Variants in NRG3 observed in about 807,000 individuals in gnomAD.
NRG3 encodes pro-neuregulin-3, membrane-bound isoform.
Under a neutral mutation model 66.9 loss-of-function variants are expected in NRG3, and 31 were observed. That is an observed-to-expected ratio of 0.46 (90% CI 0.35 to 0.63). NRG3 has a LOEUF of 0.63. Ranked by LOEUF, NRG3 falls within the 20% of genes least tolerant of loss-of-function variation. The pLI, the probability that NRG3 is intolerant of heterozygous loss-of-function variation, is 0.00. For missense variants in NRG3, 910 were observed against 878.9 expected, an observed-to-expected ratio of 1.04 and a Z score of -0.45; for synonymous variants, 393 against 359.4, an observed-to-expected ratio of 1.09 and a Z score of -1.06.
intron 1 of NRG3, among the ~76,000 whole-genome samples, chr10:82,207,086 A>G (rs10884338): frequency 0.025 from 3,848 of 152,242 alleles, 104 homozygotes; most frequent in African/African-American, 0.069. Flanking sequence ...TGGAAAAACA[A>G]TAGTCTTTCT....
chr10:82,381,290 G>C (rs1012187733), intron 2 of NRG3, among the ~76,000 whole-genome samples: 2 of 152,076 alleles, frequency 1.3e-5, no homozygotes, highest in African/African-American at 4.8e-5. Context: ...TCTTCTTTAA[G>C]AATGGAATAT....
chr10:82,881,542 T>C (rs562638524), intron 4 of NRG3, among the ~76,000 whole-genome samples: 31 of 152,176 alleles, frequency 2.0e-4, no homozygotes, highest in Non-Finnish European at 3.4e-4. Context: ...ATAGAAGTGA[T>C]TCAATGATTC....
At chr10:82,087,668 G>A (rs2065804817) in intron 1 of NRG3, among the ~76,000 whole-genome samples, 1 of 152,090 alleles carries the variant, frequency 6.6e-6, no homozygotes, top group South Asian at 2.1e-4. Flanking sequence ...CATTACAGCT[G>A]AATTTTAAAG....
intron 2 of NRG3, among the ~76,000 whole-genome samples, chr10:82,624,247 T>G: frequency 6.6e-6 from 1 of 152,280 alleles, no homozygotes; most frequent in Middle Eastern, 3.4e-3. Flanking sequence ...TCTGTACATT[T>G]TATTAAAAAC....
intron 1 of NRG3, among the ~76,000 whole-genome samples, chr10:82,237,558 C>T (rs1208261982): frequency 6.7e-6 from 1 of 150,050 alleles, no homozygotes; most frequent in Non-Finnish European, 1.5e-5. Context: ...CATATATGCT[C>T]AGACCCAGTG....
chr10:82,879,567 G>T (rs1259755105), intron 4 of NRG3, among the ~76,000 whole-genome samples: 3 of 148,824 alleles, frequency 2.0e-5, no homozygotes, highest in Admixed American at 1.4e-4. Context: ...CCACCTCCCG[G>T]CTTCACGCCA....
chr10:82,732,069 A>T (rs1426827582), intron 2 of NRG3, among the ~76,000 whole-genome samples: 4 of 152,226 alleles, frequency 2.6e-5, no homozygotes, highest in African/African-American at 9.6e-5. Flanking sequence ...CACATTGAAT[A>T]CATATTTCAA....
intron 4 of NRG3, among the ~76,000 whole-genome samples, chr10:82,918,392 A>C (rs962328054): frequency 6.6e-6 from 1 of 152,134 alleles, no homozygotes; most frequent in African/African-American, 2.4e-5. Flanking sequence ...TTTCTGGTAA[A>C]ATGGGCAACA....
intron 2 of NRG3, among the ~76,000 whole-genome samples, chr10:82,555,608 T>C (rs1003935491): frequency 2.6e-5 from 4 of 152,150 alleles, no homozygotes; most frequent in Non-Finnish European, 4.4e-5. Context: ...TCAAAATCCA[T>C]TTCCTCAATG....
At chr10:82,845,865 A>C (rs1470072749) in intron 3 of NRG3, among the ~76,000 whole-genome samples, 1 of 152,176 alleles carries the variant, frequency 6.6e-6, no homozygotes, top group Non-Finnish European at 1.5e-5. Context: ...CCATAAATAC[A>C]TACACACATA....
chr10:82,205,275 A>C (rs1431272187), intron 1 of NRG3, among the ~76,000 whole-genome samples: 1 of 152,186 alleles, frequency 6.6e-6, no homozygotes, highest in Non-Finnish European at 1.5e-5. Flanking sequence ...CACATAGACC[A>C]GTACTACAGA....
chr10:82,292,440 C>T (rs1206233231), intron 1 of NRG3, among the ~76,000 whole-genome samples: 1 of 152,068 alleles, frequency 6.6e-6, no homozygotes, highest in East Asian at 1.9e-4. Context: ...TTTAAAAAAA[C>T]CTATCCATGC....
At chr10:82,734,283 C>G (rs1488299958) in intron 2 of NRG3, among the ~76,000 whole-genome samples, 2 of 152,132 alleles carry the variant, frequency 1.3e-5, no homozygotes, top group African/African-American at 2.4e-5. Flanking sequence ...ATTTCAGGTA[C>G]AGCTGGGCAG....
chr10:81,908,185 A>G (rs1470903372), intron 1 of NRG3, among the ~76,000 whole-genome samples: 1 of 152,168 alleles, frequency 6.6e-6, no homozygotes, highest in Admixed American at 6.5e-5. Flanking sequence ...AATATTATTG[A>G]TACACATCTT....
chr10:82,051,996 G>A (rs2063614931), intron 1 of NRG3, among the ~76,000 whole-genome samples: 1 of 150,060 alleles, frequency 6.7e-6, no homozygotes, highest in African/African-American at 2.5e-5. Flanking sequence ...AATGTATAAT[G>A]TTGGACTATT....
intron 2 of NRG3, among the ~76,000 whole-genome samples, chr10:82,537,482 C>A (rs1379951337): frequency 1.3e-5 from 2 of 152,130 alleles, no homozygotes; most frequent in Non-Finnish European, 2.9e-5. Context: ...ATCTTAGTAA[C>A]TGGCCTTGCC....
In NRG3 at chr10:82,358,767, C is replaced by T. The variant is rs1255027241; in HGVS notation, c.852C>T (p.Ser284=). Residue 284 remains serine (S), a synonymous_variant, in exon 2 of 9, where the codon TCC becomes TCT. Transcript: ENST00000372141. ...CGACGACATATTCCACAGAGCGATC[C>T]GAGCACTTCAAACCCTGCCGAGACA... is the stretch of plus-strand genomic sequence containing the variant. ...FHTTTYSTER[S]EHFKPCRDKD... 11 of 1,614,120 alleles carry T rather than the reference C, an allele frequency of 6.8e-6. No individual in the cohort carries two copies. Among genetic ancestry groups the T allele is most frequent in the South Asian group, 1.1e-5 (1 of 91,088 alleles).
At chr10:82,362,612 A>T (rs1162724826) in intron 2 of NRG3, among the ~76,000 whole-genome samples, 1 of 142,160 alleles carries the variant, frequency 7.0e-6, no homozygotes, top group Non-Finnish European at 1.5e-5. Context: ...CTGGTCTCCA[A>T]CTCCTGGACT....
intron 1 of NRG3, among the ~76,000 whole-genome samples, chr10:82,101,732 G>T (rs1383787047): frequency 6.6e-6 from 1 of 151,380 alleles, no homozygotes; most frequent in Non-Finnish European, 1.5e-5. Context: ...GCTAAGGGTT[G>T]TTTAATAAGC....
Sources: gnomAD v4.1 joint callset for allele counts (sites outside exome capture counted in the v4.1 genomes callset) on GRCh38, gnomAD v4.1.1 for gene constraint, MANE v1.5 for transcripts, NCBI Gene and HGNC (gene_info 2026-07-23, HGNC 2026-07-21) for gene names.